CFAP61: variants seen among roughly 807,000 people sequenced by gnomAD.
CFAP61 encodes the protein cilia- and flagella-associated protein 61.
CFAP61 carries 107 observed loss-of-function variants against 135.6 expected under a neutral mutation model. The ratio of observed to expected loss-of-function variants is 0.79; its 90% CI spans 0.67 to 0.93. The LOEUF is 0.93. CFAP61 is among the 40% of genes least tolerant of loss of function. The probability of loss-of-function intolerance (pLI) is 0.00; values close to 1 mark genes in which losing one functional copy is unlikely to be tolerated. For synonymous variants in CFAP61, 575 were observed against 578.5 expected (o/e 0.99, Z 0.09); for missense variants, 1,507 against 1,556.2 (o/e 0.97, Z 0.53).
At chr20:20,324,272 G>T (rs1569298252) in intron 25 of CFAP61, among the ~76,000 whole-genome samples, 1 of 152,076 alleles carries the variant, frequency 6.6e-6, no homozygotes, top group Non-Finnish European at 1.5e-5. Context: ...CCACCCAACT[G>T]AACTTTTCTC....
At chr20:20,167,374 C>T (rs141838590) in intron 12 of CFAP61, among the ~76,000 whole-genome samples, 25 of 152,280 alleles carry the variant, frequency 1.6e-4, no homozygotes, top group African/African-American at 5.8e-4. Context: ...TTACCCTGAA[C>T]ATAGGATTTA....
intron 17 of CFAP61, among the ~76,000 whole-genome samples, chr20:20,212,560 C>T (rs901003855): frequency 1.3e-5 from 2 of 152,110 alleles, no homozygotes; most frequent in African/African-American, 2.4e-5. Context: ...GTTTCTCTAC[C>T]CCCACCAAAC....
At chr20:20,220,134 A>C (rs967261182) in intron 17 of CFAP61, 5 of 152,346 alleles carry the variant, frequency 3.3e-5, no homozygotes, top group African/African-American at 1.2e-4. Context: ...GCCTCCGCGG[A>C]GAGGAGAGGA....
intron 25 of CFAP61, among the ~76,000 whole-genome samples, chr20:20,300,751 A>G (rs1156956781): frequency 6.6e-6 from 1 of 151,922 alleles, no homozygotes; most frequent in Non-Finnish European, 1.5e-5. Flanking sequence ...GATTACAGGC[A>G]CGTGCTACCA....
At chr20:20,270,291 T>A (rs1461035636) in intron 21 of CFAP61, among the ~76,000 whole-genome samples, 1 of 152,084 alleles carries the variant, frequency 6.6e-6, no homozygotes, top group Non-Finnish European at 1.5e-5. Flanking sequence ...CCCGATTCTC[T>A]CCATGGAGAA....
chr20:20,089,316 G>A (rs113560301), intron 6 of CFAP61, among the ~76,000 whole-genome samples: 1,772 of 152,036 alleles, frequency 0.012, 30 homozygotes, highest in African/African-American at 0.04. Flanking sequence ...AGTGAAAATG[G>A]CAGTGCCACC....
intron 17 of CFAP61, among the ~76,000 whole-genome samples, chr20:20,217,629 T>C (rs1372076705): frequency 6.6e-6 from 1 of 152,188 alleles, no homozygotes; most frequent in African/African-American, 2.4e-5. Context: ...GCAGAGCAAA[T>C]AGCCACTTAA....
intron 12 of CFAP61, 103 bp downstream of exon 12, chr20:20,166,539 G>A (rs998264737): frequency 2.2e-6 from 2 of 903,016 alleles, no homozygotes; most frequent in Non-Finnish European, 1.8e-6. Context: ...TGAGGTTTGT[G>A]TTCGGAGAAT....
rs902476923 is a variant in CFAP61 at position 20,277,428 on chromosome 20, A to C, written c.2766A>C (p.Thr922=). The C allele has an allele frequency of 6.2e-7, 1 of 1,612,932 alleles. No homozygotes were observed. The highest frequency in any genetic ancestry group is 1.3e-5 in the African/African-American group (1 of 74,982). ...PDPIYSASFT[T]PTKPFRLQCS... ...CCATCTACAGCGCCTCCTTCACCAC[A>C]CCCACCAAGCCTTTCAGACTCCAGT... Residue 922 remains threonine (T), a synonymous_variant, in exon 22 of 27, where the codon ACA becomes ACC. Coordinates refer to ENST00000245957, the MANE Select transcript of CFAP61 (RefSeq NM_015585.4).
chr20:20,255,790 C>T (rs900376077), intron 20 of CFAP61, among the ~76,000 whole-genome samples: 6 of 152,214 alleles, frequency 3.9e-5, no homozygotes, highest in African/African-American at 1.2e-4. Flanking sequence ...GCTGCAAATT[C>T]TTTGATGCCT....
At chr20:20,279,049 C>T (rs1448104239) in intron 22 of CFAP61, among the ~76,000 whole-genome samples, 1 of 152,122 alleles carries the variant, frequency 6.6e-6, no homozygotes, top group Admixed American at 6.5e-5. Context: ...AATGGCAAAC[C>T]TGGAAGATTG....
intron 7 of CFAP61, among the ~76,000 whole-genome samples, chr20:20,091,764 G>A (rs923537418): frequency 6.6e-6 from 1 of 151,866 alleles, no homozygotes; most frequent in Non-Finnish European, 1.5e-5. Context: ...TGCAACCTCC[G>A]CCTCTCGGGT....
At chr20:20,204,582 C>T (rs540658036) in intron 17 of CFAP61, among the ~76,000 whole-genome samples, 4 of 152,246 alleles carry the variant, frequency 2.6e-5, no homozygotes, top group African/African-American at 9.6e-5. Context: ...CATTATTCTC[C>T]CAGCACCTGC....
intron 6 of CFAP61, among the ~76,000 whole-genome samples, chr20:20,080,736 G>T (rs1600498757): frequency 1.3e-5 from 2 of 152,190 alleles, no homozygotes; most frequent in South Asian, 2.1e-4. Context: ...GGGCACAGTG[G>T]TTCACACCTG....
chr20:20,257,829 G>A (rs1040820555), intron 20 of CFAP61, among the ~76,000 whole-genome samples: 5 of 152,072 alleles, frequency 3.3e-5, no homozygotes, highest in African/African-American at 1.2e-4. Flanking sequence ...TGGGAGGGAG[G>A]TGGCAAGGGA....
chr20:20,068,385 G>A (rs1276579846), intron 2 of CFAP61, among the ~76,000 whole-genome samples: 2 of 152,318 alleles, frequency 1.3e-5, no homozygotes, highest in Non-Finnish European at 2.9e-5. Flanking sequence ...ACAGGTAGAC[G>A]GAAGTTAAGG....
At chr20:20,106,024 A>ACG (rs1183648542) in intron 8 of CFAP61, among the ~76,000 whole-genome samples, 1 of 65,140 alleles carries the variant, frequency 1.5e-5, no homozygotes, top group Non-Finnish European at 3.0e-5. Flanking sequence ...ATATATATAT[A>ACG]TATATATATA....
intron 16 of CFAP61, among the ~76,000 whole-genome samples, chr20:20,197,732 T>G (rs1257758834): frequency 6.6e-6 from 1 of 152,242 alleles, no homozygotes; most frequent in East Asian, 1.9e-4. Flanking sequence ...TTCCTGAAAA[T>G]TGGTCTCTCA....
intron 8 of CFAP61, among the ~76,000 whole-genome samples, chr20:20,137,931 A>C (rs1009165287): frequency 2.0e-5 from 3 of 152,126 alleles, no homozygotes; most frequent in African/African-American, 7.2e-5. Context: ...ACTGCTGCTG[A>C]TTATTCAGGG....
Sources: allele counts gnomAD v4.1 joint callset (sites outside exome capture counted in the v4.1 genomes callset), GRCh38; gene constraint gnomAD v4.1.1; transcripts MANE v1.5; gene names NCBI Gene and HGNC (gene_info 2026-07-23, HGNC 2026-07-21).